The following HPS1 variants were observed in gnomAD, a reference collection of about 807,000 sequenced individuals.
HPS1 encodes the protein BLOC-3 complex member HPS1.
HPS1 carries 59 observed loss-of-function variants against 90.6 expected under a neutral mutation model. The observed-to-expected ratio is 0.65, with a 90% CI of 0.53 to 0.81. The LOEUF (loss-of-function observed/expected upper bound fraction) is 0.81. Ranked by LOEUF, HPS1 falls within the 30% of genes least tolerant of loss-of-function variation. The pLI is 0.00. For missense variants in HPS1, 849 were observed against 896.7 expected (o/e 0.95, Z 0.68); for synonymous variants, 388 against 384.4 (o/e 1.01, Z -0.11).
intron 17 of HPS1, chr10:98,420,500 G>T (rs1296744167): frequency 2.8e-5 from 10 of 351,974 alleles, no homozygotes; most frequent in Admixed American, 2.7e-4. Flanking sequence ...GATTGCTTGA[G>T]CTCAGGAGTT....
Position 98,417,597 on chromosome 10 carries a change from G to A in HPS1, c.2070C>T (p.Arg690=). The change falls in exon 20 of 20, where the codon CGC becomes CGT. Residue 690 remains arginine (R), a synonymous_variant. Coordinates refer to ENST00000361490, the MANE Select transcript of HPS1 (RefSeq NM_000195.5). The surrounding 1 kb of genome is among the most constrained non-coding windows in gnomAD (Gnocchi z 4.2). ...LVQQAGQLAR[R]LWEASRIPLL ...GGGGGATACGGGAGGCCTCCCAGAG[G>A]CGCCGGGCCAGCTGGCCGGCCTGCT... 6.2e-7 allele frequency: 1 copy of A among 1,612,154 alleles called. No homozygotes were observed. The highest frequency in any genetic ancestry group is 8.5e-7 in the Non-Finnish European group (1 of 1,179,522).
rs1846157837 is a variant in HPS1 at position 98,429,842 on chromosome 10, C to G, written c.816G>C (p.Gln272His). The stretch of plus-strand genomic sequence containing the variant: ...GGCCCGTGGAGTGAGGGCTCCAGGC[C>G]TGCTGCACGGGGATGTTCTGGCTGC... ...ARSSQNIPVQ[Q>H]AWSPHSTGPT... Residue 272 changes from glutamine to histidine, a missense_variant, in exon 9 of 20, where the codon CAG (glutamine) becomes CAC (histidine). Coordinates refer to ENST00000361490, the MANE Select transcript of HPS1 (RefSeq NM_000195.5). 1 of 1,613,614 alleles carries G rather than the reference C, an allele frequency of 6.2e-7. No homozygotes were observed. Among genetic ancestry groups the G allele is most frequent in the East Asian group, 2.2e-5 (1 of 44,884 alleles).
intron 3 of HPS1, among the ~76,000 whole-genome samples, chr10:98,438,175 G>A (rs773284736): frequency 3.9e-5 from 6 of 152,134 alleles, no homozygotes; most frequent in African/African-American, 7.2e-5. Context: ...GTACGAAAAC[G>A]GACTGACACA....
chr10:98,416,269 T>C lies in HPS1; in HGVS notation c.*1295A>G, dbSNP rs938273000. ...TCAAGGGGACTGGTTAAACTAGACA[T>C]ATCACATCCAGCCGCTGCTAAAAAC... On this transcript the variant is annotated 3_prime_UTR_variant, in exon 20 of 20. Coordinates refer to ENST00000361490, the MANE Select transcript of HPS1 (RefSeq NM_000195.5). The C allele has an allele frequency of 6.6e-6, 1 of 152,324 alleles. No homozygotes were observed. The highest frequency in any genetic ancestry group is 1.5e-5 in the Non-Finnish European group (1 of 68,036). 9.4% of individuals were successfully genotyped at this position (152,324 alleles called of 1,614,324 possible). A position where few individuals can be genotyped will look rare whatever the true frequency, so the allele number is the denominator to read the frequency against.
At position 98,427,232 on chromosome 10, in the gene HPS1, G is replaced by T. The variant is rs1055799878; in HGVS notation, c.970C>A (p.Pro324Thr). The T allele has an allele frequency of 6.4e-6, 10 of 1,551,280 alleles. No individual in the cohort carries two copies. Among genetic ancestry groups the T allele is most frequent in the Non-Finnish European group, 7.8e-6 (9 of 1,146,664 alleles). ...AAACTCACCTGAAGGGCATCCATGG[G>T]GGGGGTGCCCCCCTCCAGCCAGATG... ...STIWLEGGTP[P>T]MDALQIAEDT... The change falls in exon 11 of 20, where the codon CCC becomes ACC. Residue 324 changes from proline to threonine, a missense_variant. Physicochemically the swap from Pro to Thr is conservative, Grantham distance 38. Transcript: ENST00000361490.
chr10:98,437,719 A>C (rs1937623076), intron 3 of HPS1, among the ~76,000 whole-genome samples: 1 of 152,244 alleles, frequency 6.6e-6, no homozygotes, highest in African/African-American at 2.4e-5. Context: ...TGAGTTTGTT[A>C]TTAACAGAAT....
chr10:98,437,613 C>T (rs1485443944), intron 3 of HPS1, among the ~76,000 whole-genome samples: 4 of 152,190 alleles, frequency 2.6e-5, no homozygotes, highest in Non-Finnish European at 4.4e-5. Flanking sequence ...GAGCAACAGG[C>T]CATACTGTAC....
rs11592273 is a variant in HPS1, at chr10:98,429,811, C to G, written c.847G>C (p.Gly283Arg). 541 of 1,613,816 alleles carry G rather than the reference C, an allele frequency of 3.4e-4. No homozygotes were observed. Among genetic ancestry groups the G allele is most frequent in the African/African-American group, 1.0e-3 (76 of 75,068 alleles). The change falls in exon 9 of 20, where the codon GGG becomes CGG. Residue 283 changes from glycine to arginine, a missense_variant. Transcript: ENST00000361490. ...AWSPHSTGPT[G>R]GSSAETETDS... is the part of the protein sequence containing the mutation. ...CACACCGTCTCTGCAGAGCTCCCCC[C>G]AGTTGGGCCCGTGGAGTGAGGGCTC...
At chr10:98,436,229 G>GA (rs994313642) in intron 3 of HPS1, among the ~76,000 whole-genome samples, 4 of 151,652 alleles carry the variant, frequency 2.6e-5, no homozygotes, top group East Asian at 1.9e-4. Flanking sequence ...CAAACAACTG[G>GA]AAAAAAAATG....
chr10:98,425,419 G>A (rs1845468841), intron 13 of HPS1, 122 bp downstream of exon 13: 4 of 913,498 alleles, frequency 4.4e-6, no homozygotes, highest in Non-Finnish European at 5.2e-6. Flanking sequence ...CGTAGGCCCG[G>A]GGGAGGTGGA....
At chr10:98,415,698 G>C (rs921730348), downstream of HPS1, among the ~76,000 whole-genome samples, 5 of 152,236 alleles carry the variant, frequency 3.3e-5, no homozygotes, top group African/African-American at 1.2e-4. Flanking sequence ...CCACGACCAG[G>C]GCCTTCAGAC....
At position 98,417,524 on chromosome 10, in the gene HPS1, T is replaced by C; in HGVS notation, c.*40A>G. ...GGGAACAGTGGCAAGCAAGGGTGGC[T>C]GGAGGACAGGATGCAAAGGCAGACT... On this transcript the variant is annotated 3_prime_UTR_variant, in exon 20 of 20. Transcript: ENST00000361490. This position sits in a 1 kb window ranked among gnomAD's most constrained non-coding sequence, Gnocchi z 4.2. The C allele has an allele frequency of 8.2e-6, 13 of 1,576,614 alleles. No homozygotes were observed. Among genetic ancestry groups the C allele is most frequent in the Non-Finnish European group, 1.1e-5 (13 of 1,155,358 alleles).
chr10:98,422,048 C>A (rs532504604), intron 17 of HPS1, among the ~76,000 whole-genome samples: 24 of 151,892 alleles, frequency 1.6e-4, no homozygotes, highest in African/African-American at 5.1e-4. Context: ...CAGGGGTCCT[C>A]CCCCTATCAA....
chr10:98,423,598 G>A lies in HPS1; in HGVS notation c.1598+5C>T. 6.2e-7 allele frequency: 1 copy of A among 1,613,688 alleles called. No homozygotes were observed. Among genetic ancestry groups the A allele is most frequent in the Non-Finnish European group, 8.5e-7 (1 of 1,179,704 alleles). ...GGGCTGGCTGGGGCCCCGGCGTCAGGATATGACACCATGGTGATGTTCCTC... is the reference window on the plus strand; with the variant it reads ...GGGCTGGCTGGGGCCCCGGCGTCAGAATATGACACCATGGTGATGTTCCTC... On this transcript the variant is annotated splice_donor_5th_base_variant and intron_variant, in intron 16 of 19. Coordinates refer to ENST00000361490, the MANE Select transcript of HPS1 (RefSeq NM_000195.5).
chr10:98,421,846 A>ACTTTGGTATGTGGTAT (rs1844891556), intron 17 of HPS1, among the ~76,000 whole-genome samples: 1 of 152,156 alleles, frequency 6.6e-6, no homozygotes, highest in South Asian at 2.1e-4. Context: ...AAAGCCACAT[A>ACTTTGGTATGTGGTAT]ACTGGTGGGA....
chr10:98,435,818 C>T lies in HPS1; in HGVS notation c.118-46G>A. ...TTCACAGCTTAGAGTGGGCCAGACACCAAGAACTAAGGAAGGGACAAGATC... is the reference window on the plus strand; with the variant it reads ...TTCACAGCTTAGAGTGGGCCAGACATCAAGAACTAAGGAAGGGACAAGATC... On this transcript the variant is annotated intron_variant, in intron 3 of 19. Coordinates refer to ENST00000361490, the MANE Select transcript of HPS1 (RefSeq NM_000195.5). The surrounding 1 kb of genome is among the most constrained non-coding windows in gnomAD (Gnocchi z 4.3). 1 of 1,613,426 alleles carries T rather than the reference C, an allele frequency of 6.2e-7. No homozygotes were observed. The highest frequency in any genetic ancestry group is 1.7e-5 in the Admixed American group (1 of 60,000).
chr10:98,430,819 G>A lies in HPS1; in HGVS notation c.669-149C>T, dbSNP rs149535313. 1,949 of 735,940 alleles carry A rather than the reference G, an allele frequency of 2.6e-3. 8 individuals carry two copies. Among genetic ancestry groups the A allele is most frequent in the Non-Finnish European group, 3.0e-3 (1,284 of 421,582 alleles). 45.6% of individuals were successfully genotyped at this position (735,940 alleles called of 1,614,324 possible). ...AGGCACAAATACAATTAATTAACTC[G>A]TCAAATTTCAAAATAAAACTTGGTT... On this transcript the variant is annotated intron_variant, in intron 7 of 19. Transcript: ENST00000361490.
chr10:98,421,979 G>GACACACAGAC lies in HPS1; in HGVS notation c.1743+389_1743+390insGTCTGTGTGT. Among the ~76,000 whole-genome samples the GACACACAGAC allele has an allele frequency of 1.4e-5, 2 of 140,034 alleles. 1 individual carries two copies. The highest frequency in any genetic ancestry group is 3.2e-5 in the Non-Finnish European group (2 of 62,302). The allele number at this position is 140,034 out of a possible 152,430, so 91.9% of individuals were successfully genotyped here. On this transcript the variant is annotated intron_variant, in intron 17 of 19. Coordinates refer to ENST00000361490, the MANE Select transcript of HPS1 (RefSeq NM_000195.5). Reference sequence around the variant, plus strand: ...AGAAAGAAAAGAACACACACACACAGACACACACACACACACACACACACA... The same window carrying GACACACAGAC: ...AGAAAGAAAAGAACACACACACACAGACACACAGACACACACACACACACACACACACACA...
At chr10:98,425,751 G>A (rs1372208256) in intron 12 of HPS1, 31 bp from the exon 13 acceptor site, 6 of 1,598,970 alleles carry the variant, frequency 3.8e-6, no homozygotes, top group South Asian at 1.1e-5. Context: ...GCGGGTGAAC[G>A]GGGCTGCCCC....
Sources: allele counts gnomAD v4.1 joint callset (sites outside exome capture counted in the v4.1 genomes callset), GRCh38; gene constraint gnomAD v4.1.1; non-coding constraint Gnocchi (gnomAD v3.1); transcripts MANE v1.5; gene names NCBI Gene and HGNC (gene_info 2026-07-23, HGNC 2026-07-21).